EXOC7: variants seen among roughly 807,000 people sequenced by gnomAD.
EXOC7 encodes exocyst complex component Exo70.
A neutral mutation model predicts 87.6 loss-of-function variants in EXOC7; 51 were observed. The observed-to-expected ratio is 0.58, with a 90% CI of 0.46 to 0.73. The LOEUF (loss-of-function observed/expected upper bound fraction) is 0.73, where lower values mean the gene tolerates loss of function less well. Ranked by LOEUF, EXOC7 falls within the 30% of genes least tolerant of loss-of-function variation. The probability of loss-of-function intolerance (pLI) is 0.00; values close to 1 mark genes in which losing one functional copy is unlikely to be tolerated. For synonymous variants in EXOC7, 327 were observed against 357.1 expected, an observed-to-expected ratio of 0.92 and a Z score of 0.95; for missense variants, 744 against 888.4, an observed-to-expected ratio of 0.84 and a Z score of 2.07.
intron 4 of EXOC7, among the ~76,000 whole-genome samples, chr17:76,100,510 A>C (rs1211809478): frequency 6.6e-6 from 1 of 151,010 alleles, no homozygotes; most frequent in Non-Finnish European, 1.5e-5. Context: ...GGTGGCGCAC[A>C]CCCTCCCAGC....
intron 18 of EXOC7, 62 bp from the exon 19 acceptor site, chr17:76,083,812 C>T: frequency 1.3e-6 from 2 of 1,563,248 alleles, no homozygotes; most frequent in Non-Finnish European, 1.8e-6. Flanking sequence ...CCACCCTCAG[C>T]CTAAGGCACT....
chr17:76,094,537 G>A lies in EXOC7; in HGVS notation c.685C>T (p.Arg229Cys), dbSNP rs775889296. The change falls in exon 6 of 19, where the codon CGC becomes TGC. Residue 229 changes from arginine to cysteine, a missense_variant. This residue lies in a region of EXOC7 where 512 missense variants were observed against 573.0 expected (regional missense o/e 0.89). Transcript: ENST00000589210. ...YYQIRSSQLD[R>C]SIKGLKEHFH... ...TGCTCCTTCAGTCCTTTGATGGAGC[G>A]GTCCAGCTGGCTGGAGCGTATCTGG... 9.9e-6 allele frequency: 16 copies of A among 1,613,856 alleles called. No individual in the cohort carries two copies. In the Admixed American group the frequency reaches 2.0e-4, roughly 20 times the overall value.
In EXOC7 at chr17:76,081,151, G is replaced by A. The variant is rs2066951996; in HGVS notation, c.*2497C>T. ...AAGCCCTTCTATGGATCGGTTTTGTGTCCAAGTCTGTCCCTGCCAAAAGCC... is the reference window on the plus strand; with the variant it reads ...AAGCCCTTCTATGGATCGGTTTTGTATCCAAGTCTGTCCCTGCCAAAAGCC... On this transcript the variant is annotated 3_prime_UTR_variant, in exon 19 of 19. Transcript: ENST00000589210. 7.3e-7 allele frequency: 1 copy of A among 1,375,330 alleles called. No homozygotes were observed. The highest frequency in any genetic ancestry group is 1.5e-5 in the African/African-American group (1 of 68,900). 85.2% of individuals were successfully genotyped at this position (1,375,330 alleles called of 1,614,324 possible). A position where few individuals can be genotyped will look rare whatever the true frequency, so the allele number is the denominator to read the frequency against.
chr17:76,086,206 C>A, intron 12 of EXOC7, 61 bp from the exon 13 acceptor site: 1 of 1,519,230 alleles, frequency 6.6e-7, no homozygotes, highest in Middle Eastern at 2.0e-4. Flanking sequence ...ACGGCCCTTC[C>A]CCCAGGCCAT....
chr17:76,100,657 T>C (rs2068014711), intron 4 of EXOC7, among the ~76,000 whole-genome samples: 1 of 151,616 alleles, frequency 6.6e-6, no homozygotes, highest in Admixed American at 6.6e-5. Flanking sequence ...ATTTATATTA[T>C]GTATTTTTAA....
At chr17:76,083,873 C>T in intron 18 of EXOC7, 123 bp from the exon 19 acceptor site, 1 of 1,485,466 alleles carries the variant, frequency 6.7e-7, no homozygotes, top group Non-Finnish European at 9.1e-7. Flanking sequence ...TCTGGCCCCG[C>T]CCCAAAGCCC....
chr17:76,095,440 G>T (rs988380739), intron 5 of EXOC7, among the ~76,000 whole-genome samples: 4 of 152,146 alleles, frequency 2.6e-5, no homozygotes, highest in Non-Finnish European at 5.9e-5. Flanking sequence ...AGCCCTAGTT[G>T]TAAGTTTTAA....
rs2067227894 is a variant in EXOC7, at chr17:76,086,694, A to G, written c.1430-549T>C. On this transcript the variant is annotated intron_variant, in intron 12 of 18. Transcript: ENST00000589210. Reference sequence around the variant, plus strand: ...GTGCTGCGGATAAGCTCAGAGACAGAGTGGCCTTGAAGGGAGCAGAGAGAG... The same window carrying G: ...GTGCTGCGGATAAGCTCAGAGACAGGGTGGCCTTGAAGGGAGCAGAGAGAG... Among the ~76,000 whole-genome samples, 8 of 152,068 alleles carry G rather than the reference A, an allele frequency of 5.3e-5. No homozygotes were observed. The South Asian group carries it at 1.7e-3, about 32-fold the overall frequency.
At position 76,094,503 on chromosome 17, in the gene EXOC7, T is replaced by C; in HGVS notation, c.719A>G (p.Lys240Arg). The part of the protein sequence containing the change: ...SIKGLKEHFH[K>R]SSSSSGVPYS... ...GGGAACCCCAGAGGAAGAACTGCTC[T>C]TATGGAAATGCTCCTTCAGTCCTTT... The change falls in exon 6 of 19, where the codon AAG becomes AGG. Residue 240 changes from lysine to arginine, a missense_variant. By Grantham distance (26) the Lys-to-Arg change is conservative (BLOSUM62 2). Coordinates refer to ENST00000589210, the MANE Select transcript of EXOC7 (RefSeq NM_001013839.4). 1 of 1,614,108 alleles carries C rather than the reference T, an allele frequency of 6.2e-7. No individual in the cohort carries two copies. Among genetic ancestry groups the C allele is most frequent in the African/African-American group, 1.3e-5 (1 of 75,022 alleles).
At chr17:76,087,135 C>T in intron 12 of EXOC7, 1 of 486,546 alleles carries the variant, frequency 2.1e-6, no homozygotes, top group Non-Finnish European at 3.7e-6. Flanking sequence ...AGGCTCCTTG[C>T]CCCCAAAATG....
At chr17:76,084,993 G>C (rs977859014) in intron 15 of EXOC7, 25 of 463,658 alleles carry the variant, frequency 5.4e-5, no homozygotes, top group Non-Finnish European at 8.9e-5. Flanking sequence ...GCTCAGCCAC[G>C]TTCAAGTGCT....
chr17:76,096,866 T>G (rs2067785044), intron 5 of EXOC7, among the ~76,000 whole-genome samples: 1 of 152,160 alleles, frequency 6.6e-6, no homozygotes, highest in South Asian at 2.1e-4. Flanking sequence ...TTCTTTCTTT[T>G]GAGACAAGAG....
At chr17:76,096,124 G>A (rs1041208776) in intron 5 of EXOC7, among the ~76,000 whole-genome samples, 3 of 151,784 alleles carry the variant, frequency 2.0e-5, no homozygotes, top group Admixed American at 6.6e-5. Context: ...CATCGCGGCC[G>A]TGAGACCTGC....
In EXOC7 at chr17:76,088,289, G is replaced by A. The variant is rs556088420; in HGVS notation, c.1300-167C>T. 5 of 931,944 alleles carry A rather than the reference G, an allele frequency of 5.4e-6. No individual in the cohort carries two copies. The African/African-American group carries it at 8.1e-5, about 15-fold the overall frequency. The allele number at this position is 931,944 out of a possible 1,614,324, so 57.7% of individuals were successfully genotyped here. A position where few individuals can be genotyped will look rare whatever the true frequency, so the allele number is the denominator to read the frequency against. ...GGGGAGAGGCCCTTCCCACTTCAGA[G>A]GGCTTGGAGGCCCCAGGAAGGAAAG... On this transcript the variant is annotated intron_variant, in intron 10 of 18. Coordinates refer to ENST00000589210, the MANE Select transcript of EXOC7 (RefSeq NM_001013839.4).
At position 76,103,278 on chromosome 17, in the gene EXOC7, G is replaced by C. The variant is rs1385269448; in HGVS notation, c.126+83C>G. Reference sequence around the variant, plus strand: ...GCTGCCCATTCCAGAACTCCAGGCCGCAGGAACCGGAACCGCCAGGTCGCA... The same window carrying C: ...GCTGCCCATTCCAGAACTCCAGGCCCCAGGAACCGGAACCGCCAGGTCGCA... On this transcript the variant is annotated intron_variant, in intron 2 of 18. Transcript: ENST00000589210. 6 of 1,314,688 alleles carry C rather than the reference G, an allele frequency of 4.6e-6. No individual in the cohort carries two copies. The Admixed American group carries it at 1.2e-4, about 27-fold the overall frequency. The allele number at this position is 1,314,688 out of a possible 1,614,324, so 81.4% of individuals were successfully genotyped here.
intron 4 of EXOC7, among the ~76,000 whole-genome samples, chr17:76,098,302 A>G (rs965826607): frequency 6.6e-6 from 1 of 151,598 alleles, no homozygotes; most frequent in Non-Finnish European, 1.5e-5. Context: ...ATGCCCAGAT[A>G]ATTTTTGTAT....
At chr17:76,099,142 A>G (rs1209117639) in intron 4 of EXOC7, among the ~76,000 whole-genome samples, 3 of 152,240 alleles carry the variant, frequency 2.0e-5, no homozygotes, top group African/African-American at 7.2e-5. Flanking sequence ...GAGGGTTTAT[A>G]GCAGCATTAT....
chr17:76,089,454 C>A, intron 7 of EXOC7, 134 bp from the exon 8 acceptor site: 4 of 1,169,778 alleles, frequency 3.4e-6, no homozygotes, highest in Non-Finnish European at 4.8e-6. Flanking sequence ...ACTGTTCTGG[C>A]AGAAAGCTGC....
intron 11 of EXOC7, 76 bp from the exon 12 acceptor site, chr17:76,087,796 TGCCCAGGGCCA>T (rs2067280647): frequency 4.1e-6 from 6 of 1,468,538 alleles, no homozygotes; most frequent in Non-Finnish European, 5.6e-6. Context: ...CCCCTCTGAG[TGCCCAGGGCCA>T]GCCCAGGGCT....
Sources: allele counts gnomAD v4.1 joint callset (sites outside exome capture counted in the v4.1 genomes callset), GRCh38; gene constraint gnomAD v4.1.1; regional missense constraint gnomAD v4.1.1; transcripts MANE v1.5; gene names NCBI Gene and HGNC (gene_info 2026-07-23, HGNC 2026-07-21).